TAFA5: variants seen among roughly 807,000 people sequenced by gnomAD.
The protein encoded by TAFA5 is TAFA chemokine like family member 5, also known as chemokine-like protein TAFA-5.
Under a neutral mutation model 15.3 loss-of-function variants are expected in TAFA5, and 6 were observed. That is an observed-to-expected ratio of 0.39 (90% CI 0.21 to 0.77). The LOEUF (loss-of-function observed/expected upper bound fraction) is 0.77. Among genes scored for constraint, TAFA5 ranks in the 30% least tolerant of loss-of-function variants. The pLI, the probability that TAFA5 is intolerant of heterozygous loss-of-function variation, is 0.41. For synonymous variants in TAFA5, 103 were observed against 80.7 expected, an observed-to-expected ratio of 1.28 and a Z score of -1.48; for missense variants, 161 against 193.1, an observed-to-expected ratio of 0.83 and a Z score of 0.98.
intron 2 of TAFA5, among the ~76,000 whole-genome samples, chr22:48,675,108 AT>A (rs1302654207): frequency 6.6e-6 from 1 of 151,994 alleles, no homozygotes; most frequent in Non-Finnish European, 1.5e-5. Context: ...CACACGGCTA[AT>A]TTTTGTATTT....
chr22:48,679,724 C>A (rs1928115058), intron 2 of TAFA5, among the ~76,000 whole-genome samples: 1 of 115,974 alleles, frequency 8.6e-6, no homozygotes, highest in African/African-American at 3.5e-5. Context: ...TCTCCCGGCT[C>A]CCCGTCCATC....
At chr22:48,523,921 C>T (rs1284867116) in intron 1 of TAFA5, among the ~76,000 whole-genome samples, 1 of 152,120 alleles carries the variant, frequency 6.6e-6, no homozygotes, top group Non-Finnish European at 1.5e-5. Context: ...GCCGCCCAGG[C>T]GAGGTGCCCA....
intron 1 of TAFA5, among the ~76,000 whole-genome samples, chr22:48,495,514 C>T (rs1928294155): frequency 6.6e-6 from 1 of 152,128 alleles, no homozygotes; most frequent in Non-Finnish European, 1.5e-5. Context: ...AGAGGCAGCC[C>T]AAGATCTAGC....
intron 1 of TAFA5, among the ~76,000 whole-genome samples, chr22:48,599,317 A>G (rs1309556574): frequency 6.6e-6 from 1 of 152,198 alleles, no homozygotes; most frequent in African/African-American, 2.4e-5. Context: ...TCCGCTCCGT[A>G]ACACGCAGAA....
At chr22:48,625,115 G>GAA (rs5845856) in intron 1 of TAFA5, among the ~76,000 whole-genome samples, 37 of 142,356 alleles carry the variant, frequency 2.6e-4, no homozygotes, top group South Asian at 4.6e-4. Flanking sequence ...ACCCTGTCTT[G>GAA]AAAAAAAAAA....
At chr22:48,699,375 A>G (rs955732406) in intron 2 of TAFA5, among the ~76,000 whole-genome samples, 1 of 152,202 alleles carries the variant, frequency 6.6e-6, no homozygotes, top group African/African-American at 2.4e-5. Context: ...ACTGAGGCCT[A>G]TTTAAAAGCA....
intron 2 of TAFA5, among the ~76,000 whole-genome samples, chr22:48,683,465 T>C (rs1928258062): frequency 6.6e-6 from 1 of 152,212 alleles, no homozygotes; most frequent in Non-Finnish European, 1.5e-5. Flanking sequence ...GTTTGCACCC[T>C]TCTCTTCAGA....
intron 2 of TAFA5, among the ~76,000 whole-genome samples, chr22:48,649,773 G>A (rs1298422605): frequency 6.6e-6 from 1 of 152,184 alleles, no homozygotes; most frequent in African/African-American, 2.4e-5. Context: ...AAGACTGGGA[G>A]GGGGAGAGCG....
intron 2 of TAFA5, among the ~76,000 whole-genome samples, chr22:48,657,251 AT>A (rs1165062684): frequency 6.6e-6 from 1 of 152,266 alleles, no homozygotes. Context: ...ACTATGAACA[AT>A]TGTATGCCAA....
intron 1 of TAFA5, among the ~76,000 whole-genome samples, chr22:48,549,128 CA>C (rs1922776680): frequency 6.6e-6 from 1 of 152,220 alleles, no homozygotes; most frequent in Non-Finnish European, 1.5e-5. Context: ...ACACCTTTCT[CA>C]AAGGGAATGA....
At chr22:48,504,140 G>T (rs972366097) in intron 1 of TAFA5, among the ~76,000 whole-genome samples, 2 of 152,176 alleles carry the variant, frequency 1.3e-5, no homozygotes, top group Non-Finnish European at 2.9e-5. Context: ...AGCTTTAGGG[G>T]TGCGGGCTGG....
intron 3 of TAFA5, among the ~76,000 whole-genome samples, chr22:48,744,631 C>T (rs1191425269): frequency 6.6e-6 from 1 of 152,182 alleles, no homozygotes; most frequent in African/African-American, 2.4e-5. Context: ...CGGTGCTAAA[C>T]CTGTGTGCTC....
Position 48,557,078 on chromosome 22 carries a change from G to C in TAFA5, c.112+67374G>C, listed in dbSNP as rs16999439. On this transcript the variant is annotated intron_variant, in intron 1 of 3. Coordinates refer to ENST00000402357, the MANE Select transcript of TAFA5 (RefSeq NM_001082967.3). The stretch of plus-strand genomic sequence containing the variant: ...CGCAGGGAGCGGGGAGTGCGCCCAG[G>C]TCTGGGGTTCAGGGCCGGCAGCAGT... Among the ~76,000 whole-genome samples the C allele has an allele frequency of 8.0e-3, 1,225 of 152,326 alleles. 77 individuals are homozygous for C. The East Asian group carries it at 0.17, about 21-fold the overall frequency.
At chr22:48,592,372 T>A (rs755604609) in intron 1 of TAFA5, among the ~76,000 whole-genome samples, 18 of 152,222 alleles carry the variant, frequency 1.2e-4, no homozygotes, top group Non-Finnish European at 5.9e-5. Context: ...TCTGCTGCCC[T>A]GCACGCAGGA....
At chr22:48,612,832 G>A (rs887593561) in intron 1 of TAFA5, among the ~76,000 whole-genome samples, 16 of 152,172 alleles carry the variant, frequency 1.1e-4, no homozygotes. Context: ...GTGCACAGCA[G>A]GGTCCCTTGA....
chr22:48,502,465 G>T (rs2083849767), intron 1 of TAFA5, among the ~76,000 whole-genome samples: 1 of 151,944 alleles, frequency 6.6e-6, no homozygotes, highest in Non-Finnish European at 1.5e-5. Flanking sequence ...ATGGCTCCAA[G>T]ACTTCTAATG....
intron 1 of TAFA5, among the ~76,000 whole-genome samples, chr22:48,586,803 G>A (rs1924378723): frequency 6.6e-6 from 1 of 152,250 alleles, no homozygotes; most frequent in Non-Finnish European, 1.5e-5. Context: ...GTTCTCTAGA[G>A]AGTTCCTCAA....
intron 1 of TAFA5, among the ~76,000 whole-genome samples, chr22:48,591,808 C>A (rs974604667): frequency 1.3e-5 from 2 of 152,162 alleles, no homozygotes; most frequent in African/African-American, 2.4e-5. Context: ...ACTGGGCTCG[C>A]GGAAGCCCAC....
At chr22:48,595,397 G>A (rs1231861598) in intron 1 of TAFA5, among the ~76,000 whole-genome samples, 2 of 152,240 alleles carry the variant, frequency 1.3e-5, no homozygotes, top group Non-Finnish European at 2.9e-5. Flanking sequence ...GGGAGTGGAG[G>A]CAGCTGACAG....
Sources: allele counts gnomAD v4.1 joint callset (sites outside exome capture counted in the v4.1 genomes callset), GRCh38; gene constraint gnomAD v4.1.1; transcripts MANE v1.5; gene names NCBI Gene and HGNC (gene_info 2026-07-23, HGNC 2026-07-21).